VEGFA: variants seen among roughly 807,000 people sequenced by gnomAD.
VEGFA encodes vascular endothelial growth factor A, long form.
Under a neutral mutation model 49.7 loss-of-function variants are expected in VEGFA, and 20 were observed. The observed-to-expected ratio is 0.40, with a 90% CI of 0.28 to 0.58. The LOEUF is 0.58. Among genes scored for constraint, VEGFA ranks in the 20% least tolerant of loss-of-function variants. The probability of loss-of-function intolerance (pLI) is 0.40; values close to 1 mark genes in which losing one functional copy is unlikely to be tolerated. For missense variants in VEGFA, 505 were observed against 553.5 expected, an observed-to-expected ratio of 0.91 and a Z score of 0.88; for synonymous variants, 219 against 223.4, an observed-to-expected ratio of 0.98 and a Z score of 0.18.
intron 7 of VEGFA, chr6:43,784,334 C>T: frequency 1.6e-6 from 1 of 628,442 alleles, no homozygotes; most frequent in South Asian, 1.8e-5. Context: ...AGCTGCTGCT[C>T]AGGCCGGGGC....
At chr6:43,778,110 G>T (rs1210326869) in intron 3 of VEGFA, 1 of 470,040 alleles carries the variant, frequency 2.1e-6, no homozygotes, top group Non-Finnish European at 3.9e-6. Flanking sequence ...CAGGGAGGGG[G>T]TTGCTTTCGG....
rs1273067800 is a variant in VEGFA at position 43,771,201 on chromosome 6, G to A, written c.495G>A (p.Arg165=). Reference sequence around the variant, plus strand: ...GCGGGCCGCCCCACAGCCCGAGCCGGAGAGGGAGCGCGAGCCGCGCCGGCC... The same window carrying A: ...GCGGGCCGCCCCACAGCCCGAGCCGAAGAGGGAGCGCGAGCCGCGCCGGCC... Residue 165 remains arginine (R), a synonymous_variant, in exon 1 of 8, where the codon CGG becomes CGA. Coordinates refer to ENST00000672860, the MANE Select transcript of VEGFA (RefSeq NM_003376.6). 2 of 1,601,122 alleles carry A rather than the reference G, an allele frequency of 1.2e-6. No homozygotes were observed. Among genetic ancestry groups the A allele is most frequent in the African/African-American group, 2.7e-5 (2 of 73,226 alleles).
intron 1 of VEGFA, among the ~76,000 whole-genome samples, chr6:43,771,646 T>C (rs940653353): frequency 3.9e-5 from 6 of 152,086 alleles, no homozygotes; most frequent in Non-Finnish European, 4.4e-5. Context: ...TGAAGTTTGC[T>C]CCCGGCCGCT....
chr6:43,778,643 A>T, intron 4 of VEGFA, 107 bp downstream of exon 4: 1 of 1,247,256 alleles, frequency 8.0e-7, no homozygotes, highest in East Asian at 2.5e-5. Flanking sequence ...GCTTCCCGCT[A>T]TGTGACCTTT....
At position 43,770,771 on chromosome 6, in the gene VEGFA, G is replaced by A. The variant is rs751944345; in HGVS notation, c.65G>A (p.Arg22Gln). ...TACCACCTCCTCCCCGGCCGGCGGC[G>A]GACAGTGGACGCGGCGGCGAGCCGC... is the stretch of plus-strand genomic sequence containing the variant. Residue 22 changes from arginine to glutamine, a missense_variant, in exon 1 of 8, where the codon CGG (arginine) becomes CAG (glutamine). This residue lies in a region of VEGFA where 340 missense variants were observed against 321.8 expected (regional missense o/e 1.06). Coordinates refer to ENST00000672860, the MANE Select transcript of VEGFA (RefSeq NM_003376.6). 24 of 1,480,974 alleles carry A rather than the reference G, an allele frequency of 1.6e-5. No homozygotes were observed. Among genetic ancestry groups the A allele is most frequent in the East Asian group, 2.8e-5 (1 of 35,352 alleles). The allele number at this position is 1,480,974 out of a possible 1,614,324, so 91.7% of individuals were successfully genotyped here.
chr6:43,770,940 A>T lies in VEGFA; in HGVS notation c.234A>T (p.Gly78=), dbSNP rs762234162. 19 of 1,544,436 alleles carry T rather than the reference A, an allele frequency of 1.2e-5. No homozygotes were observed. Among genetic ancestry groups the T allele is most frequent in the African/African-American group, 2.8e-5 (2 of 72,118 alleles). The change falls in exon 1 of 8, where the codon GGA becomes GGT. Residue 78 remains glycine, a synonymous_variant. Transcript: ENST00000672860. Reference sequence around the variant, plus strand: ...GCGCGGGGGAAGCCGAGCCGAGCGGAGCCGCGAGAAGTGCTAGCTCGGGCC... The same window carrying T: ...GCGCGGGGGAAGCCGAGCCGAGCGGTGCCGCGAGAAGTGCTAGCTCGGGCC...
chr6:43,779,756 A>AG (rs1561993386), intron 5 of VEGFA: 1 of 459,478 alleles, frequency 2.2e-6, no homozygotes, highest in South Asian at 1.5e-5. Flanking sequence ...CTTTCTCCTA[A>AG]GGGGGACAGA....
In VEGFA at chr6:43,770,544, C is replaced by A; in HGVS notation, c.-163C>A. Reference sequence around the variant, plus strand: ...AGAAAGAGGAAAGAGGTAGCAAGAGCTCCAGAGAGAAGTCGAGGAAGAGAG... The same window carrying A: ...AGAAAGAGGAAAGAGGTAGCAAGAGATCCAGAGAGAAGTCGAGGAAGAGAG... On this transcript the variant is annotated 5_prime_UTR_variant, in exon 1 of 8. Transcript: ENST00000672860. The A allele has an allele frequency of 7.6e-7, 1 of 1,322,814 alleles. No homozygotes were observed. The highest frequency in any genetic ancestry group is 9.6e-7 in the Non-Finnish European group (1 of 1,039,612). The allele number at this position is 1,322,814 out of a possible 1,614,324, so 81.9% of individuals were successfully genotyped here. A position where few individuals can be genotyped will look rare whatever the true frequency, so the allele number is the denominator to read the frequency against.
chr6:43,780,589 C>A, intron 5 of VEGFA, 143 bp from the exon 6 acceptor site: 1 of 1,238,456 alleles, frequency 8.1e-7, no homozygotes, highest in Non-Finnish European at 1.1e-6. Context: ...CCCCAGAGAC[C>A]ACCTGCCTCC....
rs939001975 is a variant in VEGFA, at chr6:43,777,154, C to A, written c.659-315C>A. 4.5e-6 allele frequency: 2 copies of A among 446,976 alleles called. No individual in the cohort carries two copies. Among genetic ancestry groups the A allele is most frequent in the Admixed American group, 6.4e-5 (2 of 31,364 alleles). 27.7% of individuals were successfully genotyped at this position (446,976 alleles called of 1,614,324 possible). Reference sequence around the variant, plus strand: ...GGGGTATACCCATACTCAGACTGTCCTCTGGCATCGAGGTTGGCCCAGGAT... The same window carrying A: ...GGGGTATACCCATACTCAGACTGTCATCTGGCATCGAGGTTGGCCCAGGAT... On this transcript the variant is annotated intron_variant, in intron 2 of 7. Coordinates refer to ENST00000672860, the MANE Select transcript of VEGFA (RefSeq NM_003376.6). The surrounding 1 kb of genome is among the most constrained non-coding windows in gnomAD (Gnocchi z 4.3).
chr6:43,780,359 T>A, intron 5 of VEGFA: 5 of 366,322 alleles, frequency 1.4e-5, no homozygotes, highest in Non-Finnish European at 2.6e-5. Context: ...ACAGGGCTGC[T>A]GGGCAAAGAG....
chr6:43,774,631 A>C lies in VEGFA; in HGVS notation c.658+239A>C, dbSNP rs1321776652. The C allele has an allele frequency of 6.8e-6, 4 of 589,106 alleles. No homozygotes were observed. The African/African-American group carries it at 7.5e-5, about 11-fold the overall frequency. 36.5% of individuals were successfully genotyped at this position (589,106 alleles called of 1,614,324 possible). On this transcript the variant is annotated intron_variant, in intron 2 of 7. Coordinates refer to ENST00000672860, the MANE Select transcript of VEGFA (RefSeq NM_003376.6). ...CTTTTTCTTCTGCTCTTTCCAGTAAAATTTTATTTGGAGAAGGAGTCGTGC... is the reference window on the plus strand; with the variant it reads ...CTTTTTCTTCTGCTCTTTCCAGTAACATTTTATTTGGAGAAGGAGTCGTGC...
chr6:43,780,784 C>A lies in VEGFA; in HGVS notation c.1015C>A (p.Arg339=), dbSNP rs141138308. 7 of 1,614,072 alleles carry A rather than the reference C, an allele frequency of 4.3e-6. No individual in the cohort carries two copies. The highest frequency in any genetic ancestry group is 5.9e-6 in the Non-Finnish European group (7 of 1,180,032). ...GCAAAAACGAAAGCGCAAGAAATCC[C>A]GGTATAAGTCCTGGAGCGTGTACGT... The change falls in exon 6 of 8, where the codon CGG becomes AGG. Residue 339 remains arginine (R), a synonymous_variant. Transcript: ENST00000672860.
Position 43,770,517 on chromosome 6 carries a change from G to T in VEGFA, c.-190G>T. The T allele has an allele frequency of 7.9e-7, 1 of 1,258,780 alleles. No homozygotes were observed. Among genetic ancestry groups the T allele is most frequent in the Admixed American group, 4.2e-5 (1 of 24,084 alleles). The allele number at this position is 1,258,780 out of a possible 1,614,324, so 78.0% of individuals were successfully genotyped here. A position where few individuals can be genotyped will look rare whatever the true frequency, so the allele number is the denominator to read the frequency against. On this transcript the variant is annotated 5_prime_UTR_variant, in exon 1 of 8. Transcript: ENST00000672860. ...AAATCACTGTGGATTTTGGAAACCA[G>T]CAGAAAGAGGAAAGAGGTAGCAAGA...
In VEGFA at chr6:43,773,091, C is replaced by G. The variant is rs918092023; in HGVS notation, c.607-1250C>G. The G allele has an allele frequency of 2.0e-5, 3 of 153,474 alleles. No homozygotes were observed. The highest frequency in any genetic ancestry group is 7.2e-5 in the African/African-American group (3 of 41,432). 9.5% of individuals were successfully genotyped at this position (153,474 alleles called of 1,614,324 possible). On this transcript the variant is annotated intron_variant, in intron 1 of 7. Coordinates refer to ENST00000672860, the MANE Select transcript of VEGFA (RefSeq NM_003376.6). The surrounding 1 kb of genome is among the most constrained non-coding windows in gnomAD (Gnocchi z 5.6). ...GGCTGAGGTGCAGAATCCAGGGGGTCCCTGCAGGAGCCGCAGTGGTAAGCT... is the reference window on the plus strand; with the variant it reads ...GGCTGAGGTGCAGAATCCAGGGGGTGCCTGCAGGAGCCGCAGTGGTAAGCT...
Position 43,781,946 on chromosome 6 carries a change from C to CTTT in VEGFA, c.1035-7_1035-5dup. 6.2e-7 allele frequency: 1 copy of CTTT among 1,613,688 alleles called. No homozygotes were observed. Among genetic ancestry groups the CTTT allele is most frequent in the Admixed American group, 1.7e-5 (1 of 59,998 alleles). On this transcript the variant is annotated splice_polypyrimidine_tract_variant and intron_variant, in intron 6 of 7. Coordinates refer to ENST00000672860, the MANE Select transcript of VEGFA (RefSeq NM_003376.6). ...CTAGCTTAGATGTCTTTCCTTTTGC[C>CTTT]TTTTTGCAGTCCCTGTGGGCCTTGC...
chr6:43,779,001 C>T (rs1582506796), intron 5 of VEGFA, 83 bp downstream of exon 5: 2 of 1,555,640 alleles, frequency 1.3e-6, no homozygotes, highest in East Asian at 2.2e-5. Context: ...CTGTTGGGGG[C>T]TCCCATAGCC....
chr6:43,772,193 G>C (rs1763843537), intron 1 of VEGFA: 10 of 458,996 alleles, frequency 2.2e-5, no homozygotes, highest in Non-Finnish European at 2.6e-5. Context: ...GGAATTTCCT[G>C]ACGCCCCTTC....
chr6:43,775,407 TC>T (rs1765063030), intron 2 of VEGFA: 1 of 152,146 alleles, frequency 6.6e-6, no homozygotes, highest in Admixed American at 6.5e-5. Context: ...ACGTGTGTGC[TC>T]CCCCAGGCAG....
Sources: allele counts gnomAD v4.1 joint callset (sites outside exome capture counted in the v4.1 genomes callset), GRCh38; gene constraint gnomAD v4.1.1; regional missense constraint gnomAD v4.1.1; non-coding constraint Gnocchi (gnomAD v3.1); transcripts MANE v1.5; gene names NCBI Gene and HGNC (gene_info 2026-07-23, HGNC 2026-07-21).